The following PRELID2 variants were observed in gnomAD, a reference collection of about 807,000 sequenced individuals.
The protein encoded by PRELID2 is PRELI domain-containing protein 2.
A neutral mutation model predicts 28.4 loss-of-function variants in PRELID2; 25 were observed. That is an observed-to-expected ratio of 0.88 (90% CI 0.64 to 1.23). The LOEUF (loss-of-function observed/expected upper bound fraction) is 1.23, where lower values mean the gene tolerates loss of function less well. PRELID2 is among the 50% of genes most tolerant of loss of function. The pLI, the probability that PRELID2 is intolerant of heterozygous loss-of-function variation, is 0.00. For missense variants in PRELID2, 201 were observed against 214.4 expected (o/e 0.94, Z 0.39); for synonymous variants, 76 against 71.6 (o/e 1.06, Z -0.31).
At chr5:145,680,066 G>T (rs1486624605) in intron 1 of PRELID2, among the ~76,000 whole-genome samples, 3 of 151,994 alleles carry the variant, frequency 2.0e-5, no homozygotes, top group Admixed American at 6.6e-5. Context: ...AGCAATATTG[G>T]TTTAAATTTT....
chr5:145,418,006 C>T, the PRELID2 span, among the ~76,000 whole-genome samples: 1 of 152,116 alleles, frequency 6.6e-6, no homozygotes, highest in Non-Finnish European at 1.5e-5. Flanking sequence ...ATCATCTCAG[C>T]CCAAAATTTT....
chr5:145,455,988 A>G, the PRELID2 span, among the ~76,000 whole-genome samples: 1 of 152,222 alleles, frequency 6.6e-6, no homozygotes, highest in East Asian at 1.9e-4. Flanking sequence ...CTATTTGGCC[A>G]TCTTGCCAGC....
intron 1 of PRELID2, among the ~76,000 whole-genome samples, chr5:145,626,461 A>G (rs941531412): frequency 1.3e-5 from 2 of 152,186 alleles, no homozygotes; most frequent in Admixed American, 6.5e-5. Context: ...GTAAATTAAA[A>G]CCACAATGAG....
chr5:145,708,292 T>C (rs942539984), intron 1 of PRELID2, among the ~76,000 whole-genome samples: 1 of 149,198 alleles, frequency 6.7e-6, no homozygotes, highest in African/African-American at 2.5e-5. Context: ...AGTAAGAAAA[T>C]GATGAATCAA....
At chr5:145,752,819 T>C (rs1757160027), downstream of PRELID2, among the ~76,000 whole-genome samples, 1 of 152,228 alleles carries the variant, frequency 6.6e-6, no homozygotes, top group African/African-American at 2.4e-5. Flanking sequence ...GTTTTTTGTT[T>C]TTTGGGTTTT....
rs1391474286 is a variant in PRELID2 at position 145,756,687 on chromosome 5, A to G, written c.*3849T>C. 6.6e-6 allele frequency among the ~76,000 whole-genome samples: 1 copy of G among 152,234 alleles called. No individual in the cohort carries two copies. Among genetic ancestry groups the G allele is most frequent in the Non-Finnish European group, 1.5e-5 (1 of 68,036 alleles). On this transcript the variant is annotated 3_prime_UTR_variant, in exon 7 of 7. Transcript: ENST00000683046. The stretch of plus-strand genomic sequence containing the variant: ...TTGAGCCACTGAAATAATGTCACCA[A>G]GTCAATGTAGCAAAGTACATTCATT...
chr5:145,245,867 T>C, the PRELID2 span, among the ~76,000 whole-genome samples: 1 of 152,062 alleles, frequency 6.6e-6, no homozygotes, highest in South Asian at 2.1e-4. Flanking sequence ...ACTGTGCATG[T>C]CAATGTAAAA....
At chr5:145,443,730 C>T in the PRELID2 span, among the ~76,000 whole-genome samples, 2 of 152,034 alleles carry the variant, frequency 1.3e-5, no homozygotes, top group African/African-American at 4.8e-5. Context: ...GTCAGCACAA[C>T]ACAGCTTTAT....
rs1042323759 is a variant in PRELID2, at chr5:145,492,632, T to C, written n.71-19317A>G. The stretch of plus-strand genomic sequence containing the variant: ...AGAGCTTTTTCACTATGTTTTCTTC[T>C]AAAGTTTCACAGTTTTGAGTCTTAC... On this transcript the variant is annotated intron_variant and non_coding_transcript_variant, in intron 1 of 2. Coordinates refer to the PRELID2 transcript ENST00000510259. 1.4e-5 allele frequency among the ~76,000 whole-genome samples: 2 copies of C among 141,774 alleles called. 1 individual carries two copies. Among genetic ancestry groups the C allele is most frequent in the Non-Finnish European group, 3.2e-5 (2 of 62,914 alleles). 93.0% of individuals were successfully genotyped at this position (141,774 alleles called of 152,430 possible).
the PRELID2 span, among the ~76,000 whole-genome samples, chr5:145,408,408 TATATATATATGTATA>T: frequency 8.3e-6 from 1 of 120,264 alleles, no homozygotes; most frequent in Non-Finnish European, 2.0e-5. Flanking sequence ...TATATATATA[TATATATATATGTATA>T]ATATATATGT....
the PRELID2 span, among the ~76,000 whole-genome samples, chr5:145,382,732 G>T: frequency 6.6e-6 from 1 of 151,964 alleles, no homozygotes; most frequent in Non-Finnish European, 1.5e-5. Flanking sequence ...CTCTTATGAG[G>T]CTGGTCTAGT....
chr5:145,545,989 G>T (rs1752783691), intron 1 of PRELID2, among the ~76,000 whole-genome samples: 2 of 152,104 alleles, frequency 1.3e-5, no homozygotes, highest in East Asian at 3.9e-4. Flanking sequence ...TAAATGGCAG[G>T]ATAGGAAATG....
At chr5:145,311,209 C>A in the PRELID2 span, among the ~76,000 whole-genome samples, 355 of 152,278 alleles carry the variant, frequency 2.3e-3, 1 homozygote, top group African/African-American at 8.3e-3. Context: ...ACTCTAGCAC[C>A]TTTCCATGCT....
the PRELID2 span, among the ~76,000 whole-genome samples, chr5:145,375,564 C>T: frequency 1.3e-5 from 2 of 152,220 alleles, no homozygotes; most frequent in Admixed American, 6.5e-5. Context: ...TTCCTCAGAA[C>T]TAGAAGGAGG....
intron 1 of PRELID2, among the ~76,000 whole-genome samples, chr5:145,663,290 C>T (rs1002547367): frequency 6.6e-6 from 1 of 152,166 alleles, no homozygotes; most frequent in Non-Finnish European, 1.5e-5. Flanking sequence ...ACCAAGCTCA[C>T]GTGCAACCTC....
In PRELID2 at chr5:145,585,447, A is replaced by T. The variant is rs115563887; in HGVS notation, n.71-112132T>A. Among the ~76,000 whole-genome samples, 952 of 152,306 alleles carry T rather than the reference A, an allele frequency of 6.3e-3. 14 individuals carry two copies. The highest frequency in any genetic ancestry group is 0.02 in the African/African-American group (852 of 41,582). ...CACATGTACCCCTGAACTTAAAATT[A>T]AAAAGTTGAAGATTTTAAAAATGAT... On this transcript the variant is annotated intron_variant and non_coding_transcript_variant, in intron 1 of 2. Transcript: ENST00000510259.
chr5:145,810,029 C>A (rs1347223419), intron 4 of PRELID2, among the ~76,000 whole-genome samples: 1 of 152,152 alleles, frequency 6.6e-6, no homozygotes, highest in African/African-American at 2.4e-5. Context: ...AGACCAGACA[C>A]AAACACAAGA....
chr5:145,543,065 T>C (rs1435120928), intron 1 of PRELID2, among the ~76,000 whole-genome samples: 5 of 152,128 alleles, frequency 3.3e-5, no homozygotes, highest in Non-Finnish European at 4.4e-5. Context: ...CAGCTCATTG[T>C]TGACCTCCTC....
At chr5:145,654,800 T>G (rs937799301) in intron 1 of PRELID2, among the ~76,000 whole-genome samples, 2 of 152,128 alleles carry the variant, frequency 1.3e-5, no homozygotes, top group African/African-American at 4.8e-5. Context: ...TCATACTGAA[T>G]GGGCAAAAAC....
Sources: allele counts gnomAD v4.1 joint callset (sites outside exome capture counted in the v4.1 genomes callset), GRCh38; gene constraint gnomAD v4.1.1; transcripts MANE v1.5; gene names NCBI Gene and HGNC (gene_info 2026-07-23, HGNC 2026-07-21).